Variants in PSD2 observed in about 807,000 individuals in gnomAD.
PSD2 encodes the protein pleckstrin and Sec7 domain containing 2, also known as PH and SEC7 domain-containing protein 2.
A neutral mutation model predicts 69.8 loss-of-function variants in PSD2; 38 were observed. The ratio of observed to expected loss-of-function variants is 0.54; its 90% CI spans 0.42 to 0.71. The LOEUF (loss-of-function observed/expected upper bound fraction) is 0.71. Ranked by LOEUF, PSD2 falls within the 30% of genes least tolerant of loss-of-function variation. PSD2 has a pLI of 0.00. For missense variants in PSD2, 943 were observed against 1,014.5 expected, an observed-to-expected ratio of 0.93 and a Z score of 0.96; for synonymous variants, 412 against 423.0, an observed-to-expected ratio of 0.97 and a Z score of 0.32.
At position 139,842,891 on chromosome 5, in the gene PSD2, C is replaced by T. The variant is rs1760911962; in HGVS notation, c.*417C>T. The T allele has an allele frequency of 6.1e-6, 1 of 164,990 alleles. No homozygotes were observed. The highest frequency in any genetic ancestry group is 1.3e-5 in the Non-Finnish European group (1 of 75,476). 10.2% of individuals were successfully genotyped at this position (164,990 alleles called of 1,614,324 possible). On this transcript the variant is annotated 3_prime_UTR_variant, in exon 15 of 15. Transcript: ENST00000274710. ...CAGCTGGAACCCCACCCTTTCTCCT[C>T]CTCCTTCCTCTGAGTTGACCAGCAG... is the stretch of plus-strand genomic sequence containing the variant.
At chr5:139,766,561 A>G in the PSD2 span, among the ~76,000 whole-genome samples, 2 of 152,200 alleles carry the variant, frequency 1.3e-5, no homozygotes, top group African/African-American at 4.8e-5. Context: ...TCCTGAGTTT[A>G]GGTGACCTTG....
At chr5:139,806,440 G>A (rs1169399664) in intron 1 of PSD2, among the ~76,000 whole-genome samples, 3 of 152,248 alleles carry the variant, frequency 2.0e-5, no homozygotes, top group Non-Finnish European at 2.9e-5. Context: ...GGGTTCTAGA[G>A]ACAGCTACGC....
At chr5:139,789,492 C>T in the PSD2 span, among the ~76,000 whole-genome samples, 1 of 152,188 alleles carries the variant, frequency 6.6e-6, no homozygotes. Context: ...AAGGAAGGAT[C>T]GCTAGAGCCT....
upstream of PSD2, among the ~76,000 whole-genome samples, chr5:139,793,223 C>T (rs953010229): frequency 3.3e-5 from 5 of 152,106 alleles, no homozygotes; most frequent in African/African-American, 9.7e-5. Context: ...GGATTACAGG[C>T]GTGAGCCACC....
At chr5:139,764,384 G>T in the PSD2 span, among the ~76,000 whole-genome samples, 1 of 152,202 alleles carries the variant, frequency 6.6e-6, no homozygotes, top group Non-Finnish European at 1.5e-5. Flanking sequence ...GCTGGGGCGC[G>T]TACGTACATC....
intron 1 of PSD2, among the ~76,000 whole-genome samples, chr5:139,797,819 T>G (rs142819882): frequency 3.2e-3 from 491 of 152,318 alleles, no homozygotes; most frequent in African/African-American, 0.011. Context: ...TGGCCAGAAC[T>G]GTCTGATACT....
Position 139,814,383 on chromosome 5 carries a change from G to A in PSD2, c.1016+19G>A. ...GCAAGAAGTGAGTGTGAGCTCCCCTGCCCCCAACCCTGGGCAAACCTCGTG... is the reference window on the plus strand; with the variant it reads ...GCAAGAAGTGAGTGTGAGCTCCCCTACCCCCAACCCTGGGCAAACCTCGTG... On this transcript the variant is annotated intron_variant, in intron 4 of 14. Coordinates refer to ENST00000274710, the MANE Select transcript of PSD2 (RefSeq NM_032289.4). The surrounding 1 kb of genome is among the most constrained non-coding windows in gnomAD (Gnocchi z 4.4). The A allele has an allele frequency of 6.3e-7, 1 of 1,577,548 alleles. No homozygotes were observed.
At chr5:139,825,365 A>G (rs773521361) in intron 7 of PSD2, among the ~76,000 whole-genome samples, 26 of 152,216 alleles carry the variant, frequency 1.7e-4, no homozygotes, top group Non-Finnish European at 2.6e-4. Flanking sequence ...ACATTCGTGC[A>G]CAAGTTTTCG....
chr5:139,787,315 C>T, the PSD2 span, among the ~76,000 whole-genome samples: 4 of 152,322 alleles, frequency 2.6e-5, no homozygotes, highest in East Asian at 1.9e-4. Context: ...TCCACCCCCA[C>T]GCCCCAGTGC....
intron 7 of PSD2, among the ~76,000 whole-genome samples, chr5:139,825,941 G>A (rs1760407197): frequency 6.6e-6 from 1 of 152,226 alleles, no homozygotes; most frequent in Non-Finnish European, 1.5e-5. Flanking sequence ...AGGCCAGGCA[G>A]AGGAGTAGGA....
At chr5:139,777,711 T>G in the PSD2 span, among the ~76,000 whole-genome samples, 2 of 151,952 alleles carry the variant, frequency 1.3e-5, no homozygotes, top group Non-Finnish European at 2.9e-5. Context: ...TGGCCAGACC[T>G]CATCTCTACA....
Position 139,838,620 on chromosome 5 carries a change from G to C in PSD2, c.1824-8G>C, listed in dbSNP as rs756343855. 1 of 1,609,650 alleles carries C rather than the reference G, an allele frequency of 6.2e-7. No individual in the cohort carries two copies. The highest frequency in any genetic ancestry group is 8.5e-7 in the Non-Finnish European group (1 of 1,176,550). On this transcript the variant is annotated splice_polypyrimidine_tract_variant and splice_region_variant and intron_variant, in intron 12 of 14. Transcript: ENST00000274710. ...GAGGCCGGCACCCTCTCCCCCTCCT[G>C]TCCCCAGGAGCAAGGAAGAAATGCT...
chr5:139,806,571 C>T (rs992359132), intron 1 of PSD2, among the ~76,000 whole-genome samples: 1 of 152,158 alleles, frequency 6.6e-6, no homozygotes, highest in African/African-American at 2.4e-5. Flanking sequence ...AGGGAGTTTG[C>T]CCTTCCTTGG....
chr5:139,806,582 A>C (rs917953988), intron 1 of PSD2, among the ~76,000 whole-genome samples: 2 of 151,956 alleles, frequency 1.3e-5, no homozygotes, highest in African/African-American at 4.8e-5. Context: ...CCTTCCTTGG[A>C]CCTTAGCTCT....
At chr5:139,795,307 G>A (rs1356284817), upstream of PSD2, among the ~76,000 whole-genome samples, 1 of 151,992 alleles carries the variant, frequency 6.6e-6, no homozygotes, top group African/African-American at 2.4e-5. The surrounding 1 kb of genome is among the most constrained non-coding windows in gnomAD (Gnocchi z 4.5). Context: ...CGCACTCCCT[G>A]CTCCTCCCTT....
chr5:139,814,218 C>G lies in PSD2; in HGVS notation c.870C>G (p.Ser290Arg). The stretch of plus-strand genomic sequence containing the variant: ...TGTCAGACTCAGACTCTGAGCTCAG[C>G]AGCTCGGAGGGGTTGGAGCCTGGTA... ...DGLSDSDSEL[S>R]SSEGLEPGSA... The change falls in exon 4 of 15, where the codon AGC becomes AGG. Residue 290 changes from serine (S) to arginine (R), a missense_variant. Around this residue, in one of 3 missense-constraint regions of PSD2, gnomAD observed 466 missense variants for 445.0 expected, o/e 1.05. Coordinates refer to ENST00000274710, the MANE Select transcript of PSD2 (RefSeq NM_032289.4). The surrounding 1 kb of genome is among the most constrained non-coding windows in gnomAD (Gnocchi z 4.4). The G allele has an allele frequency of 6.2e-7, 1 of 1,613,794 alleles. No homozygotes were observed. Among genetic ancestry groups the G allele is most frequent in the South Asian group, 1.1e-5 (1 of 91,040 alleles).
the PSD2 span, among the ~76,000 whole-genome samples, chr5:139,788,416 T>C: frequency 1.3e-5 from 2 of 151,960 alleles, no homozygotes; most frequent in Admixed American, 1.3e-4. Context: ...CGCGCCCCGC[T>C]CCCTGGGCCT....
chr5:139,748,723 GC>G, the PSD2 span, among the ~76,000 whole-genome samples: 1 of 152,250 alleles, frequency 6.6e-6, no homozygotes, highest in African/African-American at 2.4e-5. Flanking sequence ...TGAGCCCCCG[GC>G]CCGTCCTCCT....
In PSD2 at chr5:139,842,701, C is replaced by T; in HGVS notation, c.*227C>T. On this transcript the variant is annotated 3_prime_UTR_variant, in exon 15 of 15. Transcript: ENST00000274710. ...GACCCTCTCCCTGGCCCTTGTTTTC[C>T]TCTCCACCATGGAGCCTCATTTTGT... 1 of 551,756 alleles carries T rather than the reference C, an allele frequency of 1.8e-6. No homozygotes were observed. The highest frequency in any genetic ancestry group is 2.9e-5 in the East Asian group (1 of 33,950). 34.2% of individuals were successfully genotyped at this position (551,756 alleles called of 1,614,324 possible).
Sources: allele counts gnomAD v4.1 joint callset (sites outside exome capture counted in the v4.1 genomes callset), GRCh38; gene constraint gnomAD v4.1.1; regional missense constraint gnomAD v4.1.1; non-coding constraint Gnocchi (gnomAD v3.1); transcripts MANE v1.5; gene names NCBI Gene and HGNC (gene_info 2026-07-23, HGNC 2026-07-21).